UXS1: variants seen among roughly 807,000 people sequenced by gnomAD.
The protein encoded by UXS1 is UDP-glucuronic acid decarboxylase 1.
A neutral mutation model predicts 62.6 loss-of-function variants in UXS1; 33 were observed. The observed-to-expected ratio is 0.53, with a 90% confidence interval of 0.40 to 0.70. The LOEUF (loss-of-function observed/expected upper bound fraction) is 0.70, where lower values mean the gene tolerates loss of function less well. UXS1 is among the 30% of genes least tolerant of loss of function. The probability of loss-of-function intolerance (pLI) is 0.00; values close to 1 mark genes in which losing one functional copy is unlikely to be tolerated. For synonymous variants in UXS1, 213 were observed against 206.8 expected (o/e 1.03, Z -0.26); for missense variants, 434 against 556.3 (o/e 0.78, Z 2.21).
intron 1 of UXS1, among the ~76,000 whole-genome samples, chr2:106,182,771 G>A (rs1477570568): frequency 2.1e-5 from 3 of 140,176 alleles, no homozygotes; most frequent in Non-Finnish European, 4.5e-5. Context: ...GTTGGGTGCT[G>A]CTTCTCCTGC....
chr2:106,163,519 C>A (rs1683030765), intron 4 of UXS1, 148 bp downstream of exon 4: 1 of 487,622 alleles, frequency 2.1e-6, no homozygotes, highest in Non-Finnish European at 3.7e-6. Context: ...TCCCCATGTT[C>A]TATCTGGGTA....
intron 8 of UXS1, among the ~76,000 whole-genome samples, chr2:106,124,501 A>G (rs1338741344): frequency 1.3e-5 from 2 of 152,258 alleles, no homozygotes; most frequent in Non-Finnish European, 2.9e-5. Flanking sequence ...GACACTAAGC[A>G]AATACTCCAC....
chr2:106,165,840 T>C (rs994100665), intron 2 of UXS1, among the ~76,000 whole-genome samples: 15 of 152,232 alleles, frequency 9.9e-5, no homozygotes, highest in African/African-American at 3.6e-4. Flanking sequence ...ACCATTGTTT[T>C]ACTTGTGGGC....
At chr2:106,189,500 C>T (rs970747237) in intron 1 of UXS1, among the ~76,000 whole-genome samples, 2 of 152,194 alleles carry the variant, frequency 1.3e-5, no homozygotes, top group Non-Finnish European at 2.9e-5. Context: ...AACTTACACT[C>T]GCAGCGAAGT....
chr2:106,166,195 A>G lies in UXS1; in HGVS notation c.95-112T>C, dbSNP rs1683198350. 4.8e-6 allele frequency: 5 copies of G among 1,032,914 alleles called. No homozygotes were observed. The South Asian group carries it at 8.0e-5, about 16-fold the overall frequency. 64.0% of individuals were successfully genotyped at this position (1,032,914 alleles called of 1,614,324 possible). A position where few individuals can be genotyped will look rare whatever the true frequency, so the allele number is the denominator to read the frequency against. ...ATTTTAAATTTTACAAAGAAAATTAACTTACGAAGACAACAAAATGCATAC... is the reference window on the plus strand; with the variant it reads ...ATTTTAAATTTTACAAAGAAAATTAGCTTACGAAGACAACAAAATGCATAC... On this transcript the variant is annotated intron_variant, in intron 1 of 14. Transcript: ENST00000283148.
chr2:106,174,247 A>G (rs1683737667), intron 1 of UXS1, among the ~76,000 whole-genome samples: 1 of 152,162 alleles, frequency 6.6e-6, no homozygotes, highest in African/African-American at 2.4e-5. Context: ...TCCCTTTTAT[A>G]TTATTCCAAG....
intron 8 of UXS1, among the ~76,000 whole-genome samples, chr2:106,124,387 G>A (rs997682717): frequency 2.6e-5 from 4 of 152,104 alleles, no homozygotes; most frequent in Non-Finnish European, 4.4e-5. Context: ...CAAAATCACC[G>A]TGGAATAAAA....
At chr2:106,193,338 G>C (rs1042505653) in intron 1 of UXS1, among the ~76,000 whole-genome samples, 1 of 152,096 alleles carries the variant, frequency 6.6e-6, no homozygotes, top group South Asian at 2.1e-4. Context: ...CGTATTAATA[G>C]CATCAATTAA....
intron 6 of UXS1, among the ~76,000 whole-genome samples, chr2:106,143,226 G>GT (rs778021541): frequency 6.6e-6 from 1 of 151,304 alleles, no homozygotes. Context: ...GGCTAACAGG[G>GT]TGAAACCCCG....
At chr2:106,170,959 T>G (rs1683517065) in intron 1 of UXS1, among the ~76,000 whole-genome samples, 1 of 152,258 alleles carries the variant, frequency 6.6e-6, no homozygotes, top group Non-Finnish European at 1.5e-5. Context: ...CCCATTTATA[T>G]AGTACCAGGA....
chr2:106,110,946 G>C (rs1254008531), intron 10 of UXS1, among the ~76,000 whole-genome samples: 1 of 152,176 alleles, frequency 6.6e-6, no homozygotes, highest in African/African-American at 2.4e-5. Context: ...AGAATGCCTG[G>C]AAGAAAAGCA....
chr2:106,189,848 T>C (rs1428708485), intron 1 of UXS1, among the ~76,000 whole-genome samples: 1 of 152,360 alleles, frequency 6.6e-6, no homozygotes, highest in Non-Finnish European at 1.5e-5. Context: ...AATATACTTA[T>C]GGGTAAAGTC....
At chr2:106,168,137 G>A (rs189218527) in intron 1 of UXS1, among the ~76,000 whole-genome samples, 2 of 152,102 alleles carry the variant, frequency 1.3e-5, no homozygotes, top group African/African-American at 4.8e-5. Context: ...CTCCAGCCTG[G>A]GCAACAAGAA....
chr2:106,103,805 G>A (rs1484941593), intron 11 of UXS1, among the ~76,000 whole-genome samples: 2 of 152,108 alleles, frequency 1.3e-5, no homozygotes, highest in African/African-American at 4.8e-5. Context: ...AATACTTTCA[G>A]CAAAAATCTA....
rs1676978665 is a variant in UXS1, at chr2:106,095,184, T to G, written c.1147-1027A>C. On this transcript the variant is annotated intron_variant, in intron 14 of 14. Transcript: ENST00000283148. ...CACATAAAAAGCAATAGTTAATACATAGTGAATGTATATTTAAATCTTCAA... is the reference window on the plus strand; with the variant it reads ...CACATAAAAAGCAATAGTTAATACAGAGTGAATGTATATTTAAATCTTCAA... Among the ~76,000 whole-genome samples, 3 of 151,898 alleles carry G rather than the reference T, an allele frequency of 2.0e-5. No individual in the cohort carries two copies. The South Asian group carries it at 6.2e-4, about 31-fold the overall frequency.
chr2:106,153,606 C>T (rs1259665959), intron 5 of UXS1, among the ~76,000 whole-genome samples: 2 of 152,098 alleles, frequency 1.3e-5, no homozygotes, highest in Non-Finnish European at 1.5e-5. Flanking sequence ...TCCAGAAGTG[C>T]TACAATATAC....
chr2:106,124,739 TTAA>T (rs1029429579), intron 8 of UXS1, among the ~76,000 whole-genome samples: 16 of 152,180 alleles, frequency 1.1e-4, no homozygotes, highest in African/African-American at 3.9e-4. Context: ...TGCTCTTTTA[TTAA>T]TAACTGCCCA....
chr2:106,121,396 T>C (rs935983435), intron 9 of UXS1, among the ~76,000 whole-genome samples: 5 of 152,204 alleles, frequency 3.3e-5, no homozygotes, highest in African/African-American at 1.2e-4. Flanking sequence ...TCCACCAGCT[T>C]TACCTATATA....
Sources: gnomAD v4.1 joint callset for allele counts (sites outside exome capture counted in the v4.1 genomes callset) on GRCh38, gnomAD v4.1.1 for gene constraint, MANE v1.5 for transcripts, NCBI Gene and HGNC (gene_info 2026-07-23, HGNC 2026-07-21) for gene names.